Variants in NCKAP5 observed in about 807,000 individuals in gnomAD.
The protein encoded by NCKAP5 is nck-associated protein 5.
In NCKAP5, 92 loss-of-function variants were observed where a neutral mutation model predicts 167.0. That is an observed-to-expected ratio of 0.55 (90% CI 0.47 to 0.66). NCKAP5 has a LOEUF of 0.66. Among genes scored for constraint, NCKAP5 ranks in the 30% least tolerant of loss-of-function variants. The pLI, the probability that NCKAP5 is intolerant of heterozygous loss-of-function variation, is 0.00. For missense variants in NCKAP5, 2,378 were observed against 2,315.0 expected (o/e 1.03, Z -0.56); for synonymous variants, 891 against 877.4 (o/e 1.02, Z -0.27).
intron 4 of NCKAP5, among the ~76,000 whole-genome samples, chr2:133,252,678 G>A (rs1246808738): frequency 6.6e-6 from 1 of 152,144 alleles, no homozygotes; most frequent in African/African-American, 2.4e-5. Flanking sequence ...GCCCCCATGA[G>A]ACCAGAGGTT....
At chr2:133,204,661 T>C (rs117659925) in intron 5 of NCKAP5, among the ~76,000 whole-genome samples, 1 of 152,298 alleles carries the variant, frequency 6.6e-6, no homozygotes, top group East Asian at 1.9e-4. Flanking sequence ...GTAAGTGGGA[T>C]TGCTGGGTCA....
intron 4 of NCKAP5, among the ~76,000 whole-genome samples, chr2:133,256,925 G>A (rs924909535): frequency 6.6e-6 from 1 of 152,150 alleles, no homozygotes; most frequent in Non-Finnish European, 1.5e-5. Flanking sequence ...GTTAGATAAT[G>A]AGGCTGGACA....
chr2:133,412,605 G>A (rs1006147047), intron 3 of NCKAP5, among the ~76,000 whole-genome samples: 2 of 152,078 alleles, frequency 1.3e-5, no homozygotes, highest in Admixed American at 1.3e-4. Context: ...TGACTTTGAA[G>A]GCAACAAGAC....
At chr2:133,190,318 A>G (rs1404811787) in intron 5 of NCKAP5, among the ~76,000 whole-genome samples, 4 of 152,228 alleles carry the variant, frequency 2.6e-5, no homozygotes, top group Admixed American at 2.0e-4. Flanking sequence ...ATGGATAGGA[A>G]GAATCAATAT....
At chr2:132,948,613 A>C (rs572810258) in intron 8 of NCKAP5, among the ~76,000 whole-genome samples, 65 of 152,300 alleles carry the variant, frequency 4.3e-4, no homozygotes, top group African/African-American at 1.5e-3. Flanking sequence ...AGAGCCCCAA[A>C]GGAGAGGCTG....
intron 3 of NCKAP5, among the ~76,000 whole-genome samples, chr2:133,396,713 A>T (rs532885488): frequency 2.6e-5 from 4 of 152,202 alleles, no homozygotes; most frequent in African/African-American, 9.6e-5. Context: ...CTCTATAAAG[A>T]CCCTATCTCC....
chr2:133,204,738 T>A (rs2085867503), intron 5 of NCKAP5, among the ~76,000 whole-genome samples: 1 of 152,216 alleles, frequency 6.6e-6, no homozygotes. Flanking sequence ...CAATGTAGAA[T>A]TTCCATTTCT....
intron 5 of NCKAP5, among the ~76,000 whole-genome samples, chr2:133,177,669 T>C (rs986328829): frequency 1.3e-5 from 2 of 152,152 alleles, no homozygotes; most frequent in Admixed American, 6.5e-5. Flanking sequence ...GAGACTTCCA[T>C]ACTAGGGAGG....
intron 13 of NCKAP5, among the ~76,000 whole-genome samples, chr2:132,786,155 C>T (rs900537446): frequency 6.6e-6 from 1 of 152,162 alleles, no homozygotes; most frequent in African/African-American, 2.4e-5. Context: ...TTGAAAGACA[C>T]ATAGGTTTGC....
At chr2:133,462,406 C>T (rs920249771) in intron 3 of NCKAP5, among the ~76,000 whole-genome samples, 5 of 152,058 alleles carry the variant, frequency 3.3e-5, no homozygotes, top group African/African-American at 9.7e-5. Flanking sequence ...GTGCCGGCTT[C>T]GCAAGGCATT....
intron 4 of NCKAP5, among the ~76,000 whole-genome samples, chr2:133,265,995 T>G (rs2089183910): frequency 6.6e-6 from 1 of 152,054 alleles, no homozygotes; most frequent in Admixed American, 6.5e-5. Flanking sequence ...CTGCAGCCCC[T>G]TTACGCCCCC....
At chr2:133,134,694 C>A (rs1479967816) in intron 5 of NCKAP5, among the ~76,000 whole-genome samples, 1 of 152,226 alleles carries the variant, frequency 6.6e-6, no homozygotes, top group Non-Finnish European at 1.5e-5. Flanking sequence ...ATAGCCTACA[C>A]ATAGCAACAG....
chr2:133,144,558 A>C (rs545944076), intron 5 of NCKAP5, among the ~76,000 whole-genome samples: 3 of 152,252 alleles, frequency 2.0e-5, no homozygotes, highest in Non-Finnish European at 2.9e-5. Flanking sequence ...CCCGAAACTT[A>C]ATGAAACTGT....
intron 19 of NCKAP5, among the ~76,000 whole-genome samples, chr2:132,675,139 C>T (rs972425292): frequency 6.6e-6 from 1 of 152,170 alleles, no homozygotes; most frequent in African/African-American, 2.4e-5. Flanking sequence ...TCATTCAACA[C>T]ACACTCATTA....
intron 19 of NCKAP5, among the ~76,000 whole-genome samples, chr2:132,715,248 C>A (rs1689254537): frequency 6.6e-6 from 1 of 152,122 alleles, no homozygotes; most frequent in East Asian, 1.9e-4. Context: ...GAATACCGAG[C>A]CCTTTCTTTT....
chr2:133,171,868 T>C (rs777062167), intron 5 of NCKAP5, among the ~76,000 whole-genome samples: 2 of 152,206 alleles, frequency 1.3e-5, no homozygotes, highest in Non-Finnish European at 2.9e-5. Flanking sequence ...TTCCTATAAA[T>C]ATATACATGG....
intron 7 of NCKAP5, among the ~76,000 whole-genome samples, chr2:132,984,566 C>T (rs1250931858): frequency 6.6e-6 from 1 of 152,202 alleles, no homozygotes; most frequent in Non-Finnish European, 1.5e-5. Context: ...CATCGCCATG[C>T]TGTGCTCGCC....
chr2:133,177,105 G>A (rs1295491232), intron 5 of NCKAP5, among the ~76,000 whole-genome samples: 1 of 151,014 alleles, frequency 6.6e-6, no homozygotes, highest in Non-Finnish European at 1.5e-5. Flanking sequence ...AGATATTTAA[G>A]TTTAGAAATA....
intron 3 of NCKAP5, among the ~76,000 whole-genome samples, chr2:133,376,054 G>C (rs1230294868): frequency 6.6e-6 from 1 of 152,104 alleles, no homozygotes; most frequent in Non-Finnish European, 1.5e-5. Flanking sequence ...AAGTGTGGTG[G>C]CATCACCAAG....
Sources: allele counts gnomAD v4.1 joint callset (sites outside exome capture counted in the v4.1 genomes callset), GRCh38; gene constraint gnomAD v4.1.1; transcripts MANE v1.5; gene names NCBI Gene and HGNC (gene_info 2026-07-23, HGNC 2026-07-21).